TTC39B: variants seen among roughly 807,000 people sequenced by gnomAD.
TTC39B encodes the protein tetratricopeptide repeat domain 39B.
TTC39B carries 92 observed loss-of-function variants against 96.6 expected under a neutral mutation model. The observed-to-expected ratio is 0.95, with a 90% CI of 0.80 to 1.13. The LOEUF is 1.13. TTC39B is among the 50% of genes most tolerant of loss of function. The probability of loss-of-function intolerance (pLI) is 0.00; values close to 1 mark genes in which losing one functional copy is unlikely to be tolerated. For missense variants in TTC39B, 955 were observed against 809.3 expected (o/e 1.18, Z -2.18); for synonymous variants, 367 against 299.4 (o/e 1.23, Z -2.33).
At chr9:15,188,533 A>G (rs1325622588) in intron 13 of TTC39B, among the ~76,000 whole-genome samples, 2 of 152,216 alleles carry the variant, frequency 1.3e-5, no homozygotes, top group East Asian at 1.9e-4. Flanking sequence ...TCATTCATCA[A>G]TTTAATAAAA....
At position 15,198,119 on chromosome 9, in the gene TTC39B, G is replaced by A. The variant is rs370775911; in HGVS notation, c.824+1742C>T. Reference sequence around the variant, plus strand: ...CTGATTAAAGAGAAAGTCTGACACCGCATTGTAGGGTTTAAAATATATGTA... The same window carrying A: ...CTGATTAAAGAGAAAGTCTGACACCACATTGTAGGGTTTAAAATATATGTA... On this transcript the variant is annotated intron_variant, in intron 8 of 19. Transcript: ENST00000512701. 4.6e-5 allele frequency among the ~76,000 whole-genome samples: 7 copies of A among 152,142 alleles called. No individual in the cohort carries two copies. In the South Asian group the frequency reaches 1.0e-3, roughly 23 times the overall value.
At chr9:15,239,578 T>C (rs1821946430) in intron 2 of TTC39B, among the ~76,000 whole-genome samples, 1 of 152,252 alleles carries the variant, frequency 6.6e-6, no homozygotes, top group African/African-American at 2.4e-5. Context: ...TGGAATACTA[T>C]GTAGCCACAA....
intron 2 of TTC39B, among the ~76,000 whole-genome samples, chr9:15,236,052 C>A (rs1204211945): frequency 6.6e-6 from 1 of 152,158 alleles, no homozygotes; most frequent in African/African-American, 2.4e-5. Context: ...CAAGACCCAA[C>A]CATCTGCTGC....
chr9:15,278,372 T>C (rs1365803979), intron 1 of TTC39B, among the ~76,000 whole-genome samples: 1 of 152,196 alleles, frequency 6.6e-6, no homozygotes, highest in Non-Finnish European at 1.5e-5. Context: ...AATAAAACTT[T>C]TTTACAATTA....
chr9:15,202,449 C>T (rs538432635), intron 7 of TTC39B, among the ~76,000 whole-genome samples: 5 of 152,236 alleles, frequency 3.3e-5, no homozygotes, highest in Admixed American at 1.3e-4. Flanking sequence ...CAGTGGCTCA[C>T]GTCTATAATC....
rs367896121 is a variant in TTC39B at position 15,263,379 on chromosome 9, C to CA, written c.275+4534_275+4535insT. Reference sequence around the variant, plus strand: ...GAGAAAACAAGCTCAGAGAAACTGCCCAGGCCTCCCAGCCAGTAAATGGCA... The same window carrying CA: ...GAGAAAACAAGCTCAGAGAAACTGCCACAGGCCTCCCAGCCAGTAAATGGCA... On this transcript the variant is annotated intron_variant, in intron 2 of 19. Transcript: ENST00000512701. Among the ~76,000 whole-genome samples, 1,211 of 152,246 alleles carry CA rather than the reference C, an allele frequency of 8.0e-3. 18 individuals carry two copies. The highest frequency in any genetic ancestry group is 0.028 in the African/African-American group (1,170 of 41,536).
exon 20 of TTC39B, chr9:15,171,523 C>A (rs933612744): frequency 6.6e-6 from 1 of 152,584 alleles, no homozygotes; most frequent in Non-Finnish European, 1.5e-5. Flanking sequence ...TGTTCTCAGA[C>A]TGTCTTTTTC....
chr9:15,259,920 T>C (rs918413594), intron 2 of TTC39B, among the ~76,000 whole-genome samples: 1 of 152,148 alleles, frequency 6.6e-6, no homozygotes, highest in African/African-American at 2.4e-5. Flanking sequence ...ATTAGATTAG[T>C]GGATGCCCCA....
At chr9:15,239,290 A>C (rs1586940617) in intron 2 of TTC39B, among the ~76,000 whole-genome samples, 1 of 152,356 alleles carries the variant, frequency 6.6e-6, no homozygotes, top group East Asian at 1.9e-4. Flanking sequence ...CTTATGGAGA[A>C]AAGGGAACAC....
At chr9:15,246,042 T>C (rs1822257867) in intron 2 of TTC39B, among the ~76,000 whole-genome samples, 1 of 151,848 alleles carries the variant, frequency 6.6e-6, no homozygotes, top group Non-Finnish European at 1.5e-5. Context: ...TCACCTGAGG[T>C]CAGGAGTTCG....
At chr9:15,220,074 G>C (rs913129158) in intron 3 of TTC39B, among the ~76,000 whole-genome samples, 1 of 152,164 alleles carries the variant, frequency 6.6e-6, no homozygotes. Context: ...TCCAAAGTGA[G>C]AACTAAACAC....
At chr9:15,182,833 T>C (rs1442476271) in intron 16 of TTC39B, among the ~76,000 whole-genome samples, 1 of 152,234 alleles carries the variant, frequency 6.6e-6, no homozygotes, top group Non-Finnish European at 1.5e-5. Context: ...ATATAAACAC[T>C]GGAATATTTC....
chr9:15,284,869 G>A (rs1156779752), intron 1 of TTC39B, among the ~76,000 whole-genome samples: 3 of 151,994 alleles, frequency 2.0e-5, no homozygotes, highest in Non-Finnish European at 2.9e-5. Flanking sequence ...TATTAAAAAG[G>A]GTAAAGTATT....
chr9:15,249,393 G>A (rs1255417971), intron 2 of TTC39B: 4 of 152,324 alleles, frequency 2.6e-5, no homozygotes, highest in East Asian at 1.9e-4. Flanking sequence ...GGTCAGAGGT[G>A]AGAGTCTAGG....
chr9:15,187,382 C>T (rs1818589599), intron 14 of TTC39B, among the ~76,000 whole-genome samples: 2 of 152,162 alleles, frequency 1.3e-5, no homozygotes, highest in Non-Finnish European at 2.9e-5. Flanking sequence ...AAAGTCTACA[C>T]AAAATTATCA....
At chr9:15,182,473 T>G in intron 16 of TTC39B, 58 bp from the exon 17 acceptor site, 2 of 1,178,458 alleles carry the variant, frequency 1.7e-6, no homozygotes, top group South Asian at 2.8e-5. Context: ...ATGTCCTTTA[T>G]GATCCCCAAA....
At chr9:15,210,381 C>T (rs1820126460) in intron 5 of TTC39B, among the ~76,000 whole-genome samples, 1 of 152,234 alleles carries the variant, frequency 6.6e-6, no homozygotes, top group Non-Finnish European at 1.5e-5. Flanking sequence ...TGCTACTGAA[C>T]ACCACGTGGG....
intron 1 of TTC39B, among the ~76,000 whole-genome samples, chr9:15,295,865 C>A (rs1460832292): frequency 6.6e-6 from 1 of 152,046 alleles, no homozygotes; most frequent in East Asian, 1.9e-4. Context: ...GTCAATGAGC[C>A]CTTGATTGAT....
intron 6 of TTC39B, among the ~76,000 whole-genome samples, chr9:15,204,257 G>A (rs1368455862): frequency 6.6e-6 from 1 of 152,160 alleles, no homozygotes; most frequent in Non-Finnish European, 1.5e-5. Flanking sequence ...GGCTGTGCGT[G>A]GTGGTTTACG....
Sources: allele counts gnomAD v4.1 joint callset (sites outside exome capture counted in the v4.1 genomes callset), GRCh38; gene constraint gnomAD v4.1.1; transcripts MANE v1.5; gene names NCBI Gene and HGNC (gene_info 2026-07-23, HGNC 2026-07-21).